PRDM16: variants seen among roughly 807,000 people sequenced by gnomAD.
PRDM16 encodes the protein histone-lysine N-methyltransferase PRDM16.
A neutral mutation model predicts 110.6 loss-of-function variants in PRDM16; 23 were observed. The ratio of observed to expected loss-of-function variants is 0.21; its 90% CI spans 0.15 to 0.29. The LOEUF is 0.29. Among genes scored for constraint, PRDM16 ranks in the 10% least tolerant of loss-of-function variants. The probability of loss-of-function intolerance (pLI) is 1.00; values close to 1 mark genes in which losing one functional copy is unlikely to be tolerated. For missense variants in PRDM16, 1,615 were observed against 1,794.3 expected (o/e 0.90, Z 1.81); for synonymous variants, 799 against 781.8 (o/e 1.02, Z -0.37).
At chr1:3,380,293 C>A (rs1047929870) in intron 3 of PRDM16, among the ~76,000 whole-genome samples, 9 of 152,012 alleles carry the variant, frequency 5.9e-5, no homozygotes, top group Admixed American at 2.0e-4. Flanking sequence ...AGGAGTTAAC[C>A]AAGACCTCCT....
intron 1 of PRDM16, among the ~76,000 whole-genome samples, chr1:3,145,045 C>T (rs1330749133): frequency 6.6e-6 from 1 of 152,188 alleles, no homozygotes; most frequent in African/African-American, 2.4e-5. Flanking sequence ...GAAGGAACAC[C>T]CTAGATGTCC....
intron 1 of PRDM16, among the ~76,000 whole-genome samples, chr1:3,178,916 C>T (rs943907237): frequency 6.6e-6 from 1 of 152,214 alleles, no homozygotes; most frequent in African/African-American, 2.4e-5. Context: ...AACCCACAGC[C>T]GGGTCCACCC....
At position 3,265,058 on chromosome 1, in the gene PRDM16, C is replaced by G. The variant is rs1232919644; in HGVS notation, c.438+20921C>G. The stretch of plus-strand genomic sequence containing the variant: ...TGAGCCACTGAGTCCCCCAGCCTCT[C>G]TCTGACCCAGGGCCCAGGAGGGAGG... On this transcript the variant is annotated intron_variant, in intron 3 of 16. Transcript: ENST00000270722. This position sits in a 1 kb window ranked among gnomAD's most constrained non-coding sequence, Gnocchi z 4.5. 1.3e-5 allele frequency among the ~76,000 whole-genome samples: 2 copies of G among 151,956 alleles called. No individual in the cohort carries two copies. Among genetic ancestry groups the G allele is most frequent in the African/African-American group, 4.8e-5 (2 of 41,354 alleles).
At chr1:3,156,985 G>A (rs1391029060) in intron 1 of PRDM16, among the ~76,000 whole-genome samples, 3 of 152,206 alleles carry the variant, frequency 2.0e-5, no homozygotes, top group Non-Finnish European at 4.4e-5. Context: ...TGGAGTTAGC[G>A]TGTGGTGCAA....
intron 3 of PRDM16, among the ~76,000 whole-genome samples, chr1:3,289,349 G>A (rs1035413068): frequency 9.9e-5 from 15 of 152,230 alleles, no homozygotes; most frequent in African/African-American, 3.4e-4. Flanking sequence ...CTGGTGTCCC[G>A]ATGCCCGCCG....
intron 1 of PRDM16, among the ~76,000 whole-genome samples, chr1:3,177,038 T>C (rs1468230208): frequency 6.6e-6 from 1 of 152,042 alleles, no homozygotes. Flanking sequence ...CATCCCCTCA[T>C]CCATCTGTTA....
intron 3 of PRDM16, among the ~76,000 whole-genome samples, chr1:3,268,846 T>C (rs1640360357): frequency 1.3e-5 from 2 of 152,182 alleles, no homozygotes; most frequent in African/African-American, 4.8e-5. Context: ...CCCCACCGCA[T>C]GCCTCAGGGT....
At chr1:3,364,812 C>T (rs1254645133) in intron 3 of PRDM16, among the ~76,000 whole-genome samples, 1 of 152,240 alleles carries the variant, frequency 6.6e-6, no homozygotes, top group Admixed American at 6.5e-5. Flanking sequence ...GCCAGGTGCC[C>T]CGAGCAGGAC....
intron 2 of PRDM16, among the ~76,000 whole-genome samples, chr1:3,236,592 C>T (rs188435078): frequency 6.9e-4 from 105 of 152,284 alleles, no homozygotes; most frequent in African/African-American, 2.1e-3. Context: ...GGCTGGGGGC[C>T]AGGGCTGGTC....
chr1:3,112,541 C>T (rs940252073), intron 1 of PRDM16, among the ~76,000 whole-genome samples: 8 of 152,230 alleles, frequency 5.3e-5, no homozygotes, highest in African/African-American at 1.9e-4. Flanking sequence ...GCTCAGTGGC[C>T]TTCGCCTGGG....
chr1:3,430,093 G>A (rs1049270590), intron 14 of PRDM16, among the ~76,000 whole-genome samples: 6 of 152,120 alleles, frequency 3.9e-5, no homozygotes, highest in East Asian at 3.9e-4. Context: ...GCATGTGCCC[G>A]GGGGCCCTCA....
chr1:3,205,418 T>A (rs1230674264), intron 2 of PRDM16, among the ~76,000 whole-genome samples: 1 of 151,766 alleles, frequency 6.6e-6, no homozygotes, highest in East Asian at 1.9e-4. Context: ...AAGAAATGTA[T>A]CCTAATGGCT....
intron 2 of PRDM16, among the ~76,000 whole-genome samples, chr1:3,241,935 C>A (rs1639683728): frequency 1.3e-5 from 2 of 152,214 alleles, no homozygotes. Context: ...ACGCTAGCCC[C>A]CTCCGAATGT....
intron 2 of PRDM16, among the ~76,000 whole-genome samples, chr1:3,233,232 A>G (rs1317425561): frequency 6.6e-6 from 1 of 152,092 alleles, no homozygotes; most frequent in Non-Finnish European, 1.5e-5. Flanking sequence ...CGCGGTGCCT[A>G]GCACCTCCTG....
At chr1:3,194,251 C>T (rs190569371) in intron 2 of PRDM16, among the ~76,000 whole-genome samples, 77 of 152,298 alleles carry the variant, frequency 5.1e-4, no homozygotes, top group African/African-American at 1.8e-3. Flanking sequence ...AGCAGACAAC[C>T]GGCTCATCTC....
At chr1:3,268,041 C>G (rs995306522) in intron 3 of PRDM16, among the ~76,000 whole-genome samples, 1 of 152,202 alleles carries the variant, frequency 6.6e-6, no homozygotes, top group African/African-American at 2.4e-5. Context: ...CAGGGGCCTG[C>G]GGACCACGGC....
intron 1 of PRDM16, among the ~76,000 whole-genome samples, chr1:3,149,495 C>T (rs575340734): frequency 1.1e-4 from 17 of 152,262 alleles, no homozygotes; most frequent in Admixed American, 5.2e-4. Flanking sequence ...TGGCTGAGGA[C>T]GTCAGTCTAC....
chr1:3,163,739 C>T (rs1036982159), intron 1 of PRDM16, among the ~76,000 whole-genome samples: 6 of 152,194 alleles, frequency 3.9e-5, no homozygotes, highest in Admixed American at 6.5e-5. Context: ...CATCGCCCAG[C>T]CTCAGCCTCT....
chr1:3,223,106 T>C (rs1377101664), intron 2 of PRDM16, among the ~76,000 whole-genome samples: 1 of 133,484 alleles, frequency 7.5e-6, no homozygotes, highest in Admixed American at 7.2e-5. Flanking sequence ...ATCAAGGCTT[T>C]TTTTTTTTTT....
Sources: allele counts gnomAD v4.1 joint callset (sites outside exome capture counted in the v4.1 genomes callset), GRCh38; gene constraint gnomAD v4.1.1; non-coding constraint Gnocchi (gnomAD v3.1); transcripts MANE v1.5; gene names NCBI Gene and HGNC (gene_info 2026-07-23, HGNC 2026-07-21).